SLC35D1: variants seen among roughly 807,000 people sequenced by gnomAD.
SLC35D1 encodes the protein solute carrier family 35 member D1, also known as nucleotide sugar transporter SLC35D1.
A neutral mutation model predicts 46.7 loss-of-function variants in SLC35D1; 31 were observed. The ratio of observed to expected loss-of-function variants is 0.66; its 90% confidence interval spans 0.50 to 0.90. The LOEUF is 0.90. SLC35D1 is among the 40% of genes least tolerant of loss of function. SLC35D1 has a pLI of 0.00. For missense variants in SLC35D1, 397 were observed against 426.2 expected, an observed-to-expected ratio of 0.93 and a Z score of 0.60; for synonymous variants, 195 against 164.6, an observed-to-expected ratio of 1.18 and a Z score of -1.41.
At chr1:67,024,109 T>A (rs1006828144) in intron 8 of SLC35D1, among the ~76,000 whole-genome samples, 4 of 151,760 alleles carry the variant, frequency 2.6e-5, no homozygotes, top group African/African-American at 7.3e-5. Context: ...CACACCCAGC[T>A]AATTTTTGTA....
At chr1:67,044,165 G>A (rs577111256) in intron 7 of SLC35D1, among the ~76,000 whole-genome samples, 34 of 152,032 alleles carry the variant, frequency 2.2e-4, no homozygotes, top group Non-Finnish European at 3.8e-4. Flanking sequence ...GAGTAACCCC[G>A]TCTCTACTAA....
At position 67,052,985 on chromosome 1, in the gene SLC35D1, G is replaced by A. The variant is rs544752539; in HGVS notation, c.208C>T (p.Pro70Ser). The A allele has an allele frequency of 1.5e-5, 25 of 1,613,882 alleles. No individual in the cohort carries two copies. The Admixed American group carries it at 2.8e-4, about 18-fold the overall frequency. ...CCAAGTCCAACACATAGTGAGGAGG[G>A]AAATCTACAAAAAGGGCAAAGAAAA... is the stretch of plus-strand genomic sequence containing the variant. ...NKSVLTNYRFPSSLCVGLGQM... is the reference protein window; with the variant it reads ...NKSVLTNYRFSSSLCVGLGQM... The change falls in exon 2 of 12, where the codon CCC becomes TCC. Residue 70 changes from proline (P) to serine (S), a missense_variant. Coordinates refer to ENST00000235345, the MANE Select transcript of SLC35D1 (RefSeq NM_015139.3).
At chr1:66,974,485 T>A in the SLC35D1 span, among the ~76,000 whole-genome samples, 1 of 151,908 alleles carries the variant, frequency 6.6e-6, no homozygotes, top group Non-Finnish European at 1.5e-5. Context: ...TAAAACACTC[T>A]TAACCAAACC....
At chr1:67,020,940 C>T (rs912952731) in intron 9 of SLC35D1, among the ~76,000 whole-genome samples, 1 of 152,206 alleles carries the variant, frequency 6.6e-6, no homozygotes, top group African/African-American at 2.4e-5. Context: ...CTGATTTACA[C>T]TGAGGCTTCT....
chr1:66,974,694 C>G, the SLC35D1 span, among the ~76,000 whole-genome samples: 1 of 152,168 alleles, frequency 6.6e-6, no homozygotes, highest in East Asian at 1.9e-4. Flanking sequence ...TTAAATGTTA[C>G]AAGGTAGAAG....
intron 8 of SLC35D1, among the ~76,000 whole-genome samples, chr1:67,036,706 G>A (rs1451586156): frequency 9.0e-6 from 1 of 111,108 alleles, no homozygotes; most frequent in Non-Finnish European, 2.0e-5. Context: ...ACAGATCACT[G>A]GGTCTTTTTT....
At chr1:66,991,163 T>C in the SLC35D1 span, among the ~76,000 whole-genome samples, 1 of 152,206 alleles carries the variant, frequency 6.6e-6, no homozygotes, top group Non-Finnish European at 1.5e-5. Flanking sequence ...GGTACCATTT[T>C]ACTTGCTTTT....
the SLC35D1 span, among the ~76,000 whole-genome samples, chr1:66,989,526 G>C: frequency 1.3e-5 from 2 of 152,216 alleles, no homozygotes; most frequent in African/African-American, 2.4e-5. Context: ...GCAGTGGCAA[G>C]ATCATGGCTC....
At chr1:67,050,938 A>G (rs1038440477) in intron 4 of SLC35D1, among the ~76,000 whole-genome samples, 2 of 152,160 alleles carry the variant, frequency 1.3e-5, no homozygotes, top group African/African-American at 4.8e-5. Flanking sequence ...TTCCCAGAGC[A>G]TTTTGCTTGT....
At chr1:67,038,515 C>G (rs956807421) in intron 8 of SLC35D1, among the ~76,000 whole-genome samples, 2 of 150,878 alleles carry the variant, frequency 1.3e-5, no homozygotes, top group African/African-American at 2.4e-5. Context: ...AAGCCAAGCT[C>G]CAACTCCTGT....
chr1:66,976,405 A>C, the SLC35D1 span, among the ~76,000 whole-genome samples: 60 of 152,348 alleles, frequency 3.9e-4, no homozygotes, highest in Admixed American at 1.3e-4. Context: ...CCTGTTGCCA[A>C]TATATTATTT....
the SLC35D1 span, chr1:66,973,059 T>G: frequency 3.7e-6 from 3 of 809,738 alleles, no homozygotes; most frequent in East Asian, 5.2e-5. Context: ...TCATGTATCG[T>G]AATTTGTTAT....
the SLC35D1 span, among the ~76,000 whole-genome samples, chr1:66,975,641 A>G: frequency 2.6e-5 from 4 of 152,200 alleles, no homozygotes; most frequent in African/African-American, 9.7e-5. Flanking sequence ...TCTCCCGGCT[A>G]AGTAACAAAA....
the SLC35D1 span, among the ~76,000 whole-genome samples, chr1:66,992,793 G>A: frequency 6.6e-6 from 1 of 152,200 alleles, no homozygotes; most frequent in African/African-American, 2.4e-5. Context: ...ACAACAGTTG[G>A]GGAAGATGCA....
chr1:67,044,060 G>A (rs889566424), intron 7 of SLC35D1, among the ~76,000 whole-genome samples: 3 of 152,198 alleles, frequency 2.0e-5, no homozygotes, highest in Non-Finnish European at 2.9e-5. Context: ...ATTAGGCTGG[G>A]TGCAGTGGCT....
At chr1:66,984,932 A>G in the SLC35D1 span, 1 of 1,532,742 alleles carries the variant, frequency 6.5e-7, no homozygotes, top group Middle Eastern at 1.8e-4. Flanking sequence ...CTTTGGAGTA[A>G]ATTCTGGTGT....
chr1:66,989,545 C>T, the SLC35D1 span, among the ~76,000 whole-genome samples: 1 of 152,330 alleles, frequency 6.6e-6, no homozygotes, highest in Non-Finnish European at 1.5e-5. Context: ...TCACTGCAGC[C>T]TTGACCTCCT....
At chr1:66,984,938 G>T in the SLC35D1 span, 1 of 1,526,114 alleles carries the variant, frequency 6.6e-7, no homozygotes, top group East Asian at 2.3e-5. Context: ...AGTAAATTCT[G>T]GTGTGACTAA....
At chr1:67,013,694 T>G (rs549932816) in intron 10 of SLC35D1, among the ~76,000 whole-genome samples, 2 of 152,170 alleles carry the variant, frequency 1.3e-5, no homozygotes, top group Non-Finnish European at 1.5e-5. Context: ...AAAGGTGCCA[T>G]CTACCTCTTA....
Sources: gnomAD v4.1 joint callset for allele counts (sites outside exome capture counted in the v4.1 genomes callset) on GRCh38, gnomAD v4.1.1 for gene constraint, MANE v1.5 for transcripts, NCBI Gene and HGNC (gene_info 2026-07-23, HGNC 2026-07-21) for gene names.